Variants in GALNT14 observed in about 807,000 individuals in gnomAD.
GALNT14 encodes UDP-GalNAc:polypeptide N-acetylgalactosaminyltransferase 14.
A neutral mutation model predicts 77.5 loss-of-function variants in GALNT14; 60 were observed. The observed-to-expected ratio is 0.77, with a 90% CI of 0.63 to 0.96. The LOEUF (loss-of-function observed/expected upper bound fraction) is 0.96, where lower values mean the gene tolerates loss of function less well. Ranked by LOEUF, GALNT14 falls within the 40% of genes least tolerant of loss-of-function variation. The pLI, the probability that GALNT14 is intolerant of heterozygous loss-of-function variation, is 0.00. For synonymous variants in GALNT14, 280 were observed against 281.7 expected, an observed-to-expected ratio of 0.99 and a Z score of 0.06; for missense variants, 710 against 731.0, an observed-to-expected ratio of 0.97 and a Z score of 0.33.
chr2:31,033,938 G>A (rs1236666577), intron 1 of GALNT14, among the ~76,000 whole-genome samples: 1 of 152,218 alleles, frequency 6.6e-6, no homozygotes, highest in Non-Finnish European at 1.5e-5. Flanking sequence ...GCATTTGAGA[G>A]TTCACAACTG....
At chr2:31,027,886 CTGTGTGTG>C (rs10562223) in intron 1 of GALNT14, among the ~76,000 whole-genome samples, 20 of 141,776 alleles carry the variant, frequency 1.4e-4, no homozygotes, top group African/African-American at 3.9e-4. Flanking sequence ...CAGATGTATT[CTGTGTGTG>C]TGTGTGTGTG....
chr2:30,910,058 T>G (rs1341362210), downstream of GALNT14, among the ~76,000 whole-genome samples: 7 of 100,760 alleles, frequency 6.9e-5, no homozygotes, highest in East Asian at 3.0e-4. Context: ...TGGGGACTGT[T>G]GAGGGGTGGG....
chr2:31,103,540 G>T (rs1163846520), intron 1 of GALNT14, among the ~76,000 whole-genome samples: 1 of 150,980 alleles, frequency 6.6e-6, no homozygotes, highest in African/African-American at 2.4e-5. Flanking sequence ...ATTTACTCTG[G>T]CAATGCTACT....
At chr2:31,050,037 T>A (rs905679704) in intron 1 of GALNT14, among the ~76,000 whole-genome samples, 38 of 152,238 alleles carry the variant, frequency 2.5e-4, no homozygotes, top group Non-Finnish European at 4.4e-4. Context: ...CCAGATTCTC[T>A]GACCACAAAG....
the GALNT14 span, among the ~76,000 whole-genome samples, chr2:30,905,187 A>G: frequency 6.6e-6 from 1 of 152,206 alleles, no homozygotes; most frequent in Admixed American, 6.5e-5. Context: ...GTTCCTCACC[A>G]GCAACAGAAC....
In GALNT14 at chr2:30,955,713, C is replaced by T. The variant is rs73923311; in HGVS notation, c.559G>A (p.Ala187Thr). ...AGAGTGGTGCCCTGGGCGATGTCAG[C>T]GCCCCGAATCCGGGACCGGACCAGA... ...QGLVRSRIRG[A>T]DIAQGTTLTF... The change falls in exon 6 of 15, where the codon GCT becomes ACT. Residue 187 changes from alanine (A) to threonine (T), a missense_variant. By Grantham distance (58) the Ala-to-Thr change is moderately conservative. Coordinates refer to ENST00000349752, the MANE Select transcript of GALNT14 (RefSeq NM_024572.4). The T allele has an allele frequency of 3.9e-4, 633 of 1,614,154 alleles. 1 individual carries two copies. The highest frequency in any genetic ancestry group is 3.2e-3 in the African/African-American group (240 of 75,054).
chr2:30,895,747 C>T, the GALNT14 span, among the ~76,000 whole-genome samples: 5 of 152,084 alleles, frequency 3.3e-5, no homozygotes, highest in Non-Finnish European at 7.4e-5. Flanking sequence ...GGGATAGCAG[C>T]GATCCCACCA....
At chr2:30,933,895 C>A (rs1397304713) in intron 9 of GALNT14, among the ~76,000 whole-genome samples, 1 of 152,172 alleles carries the variant, frequency 6.6e-6, no homozygotes, top group Non-Finnish European at 1.5e-5. Context: ...ATTTTGAGAA[C>A]AACTGTGTAA....
intron 1 of GALNT14, among the ~76,000 whole-genome samples, chr2:31,048,939 C>A (rs1314851926): frequency 6.6e-6 from 1 of 152,194 alleles, no homozygotes; most frequent in Non-Finnish European, 1.5e-5. Flanking sequence ...CCGTCACTGG[C>A]CAAATGCCCC....
At chr2:31,085,661 G>A (rs974498614) in intron 1 of GALNT14, among the ~76,000 whole-genome samples, 4 of 152,224 alleles carry the variant, frequency 2.6e-5, no homozygotes, top group Admixed American at 6.5e-5. Flanking sequence ...CTCATGAGAA[G>A]TCTCTTCATT....
chr2:31,003,674 G>C (rs545864619), intron 1 of GALNT14, among the ~76,000 whole-genome samples: 1 of 152,252 alleles, frequency 6.6e-6, no homozygotes, highest in South Asian at 2.1e-4. Context: ...TACAACTTTG[G>C]GGGAAGCTTC....
At chr2:30,921,585 C>G (rs1458864739) in intron 13 of GALNT14, among the ~76,000 whole-genome samples, 1 of 152,190 alleles carries the variant, frequency 6.6e-6, no homozygotes, top group Non-Finnish European at 1.5e-5. Context: ...AGTACCAAGG[C>G]CAAGAGTCTG....
chr2:30,958,251 G>C (rs1573036459), intron 4 of GALNT14, 146 bp downstream of exon 4: 1 of 599,110 alleles, frequency 1.7e-6, no homozygotes, highest in Non-Finnish European at 3.0e-6. Context: ...TCTGAGCCTA[G>C]CCACGGACGC....
intron 1 of GALNT14, among the ~76,000 whole-genome samples, chr2:31,111,541 G>A (rs888766337): frequency 6.6e-6 from 1 of 152,122 alleles, no homozygotes; most frequent in African/African-American, 2.4e-5. Flanking sequence ...TTTACCCATG[G>A]CTTTAAACTA....
intron 1 of GALNT14, among the ~76,000 whole-genome samples, chr2:31,098,611 G>C (rs1366974998): frequency 6.6e-6 from 1 of 152,112 alleles, no homozygotes; most frequent in African/African-American, 2.4e-5. Flanking sequence ...ATAGATGTAA[G>C]TATAAATGCG....
At chr2:31,128,142 C>T (rs540092189) in intron 1 of GALNT14, among the ~76,000 whole-genome samples, 42 of 152,244 alleles carry the variant, frequency 2.8e-4, no homozygotes, top group Admixed American at 2.3e-3. Flanking sequence ...CTAAGTTTAA[C>T]CACATATGTG....
intron 1 of GALNT14, among the ~76,000 whole-genome samples, chr2:31,083,108 C>T (rs1676236883): frequency 6.6e-6 from 1 of 152,040 alleles, no homozygotes; most frequent in African/African-American, 2.4e-5. Flanking sequence ...TCCAGTTTGC[C>T]CAGGATTGGA....
At chr2:31,062,715 C>T (rs1674682166) in intron 1 of GALNT14, among the ~76,000 whole-genome samples, 1 of 150,672 alleles carries the variant, frequency 6.6e-6, no homozygotes, top group Non-Finnish European at 1.5e-5. Flanking sequence ...ACATCCTCTC[C>T]AGTATCTGTT....
Position 30,977,092 on chromosome 2 carries a change from C to CTTTTTTTTTTTT in GALNT14, c.300-10802_300-10791dup, listed in dbSNP as rs11314175. ...CTTTATTCCATATTGGCTTTTCTGT[C>CTTTTTTTTTTTT]TTTTTTTTTTTTTTTGAGACAGGGT... On this transcript the variant is annotated intron_variant, in intron 2 of 14. Transcript: ENST00000349752. 5.0e-4 allele frequency among the ~76,000 whole-genome samples: 67 copies of CTTTTTTTTTTTT among 135,112 alleles called. 3 individuals carry two copies. The highest frequency in any genetic ancestry group is 1.9e-3 in the African/African-American group (63 of 32,606). The allele number at this position is 135,112 out of a possible 152,430, so 88.6% of individuals were successfully genotyped here. A position where few individuals can be genotyped will look rare whatever the true frequency, so the allele number is the denominator to read the frequency against.
Sources: allele counts gnomAD v4.1 joint callset (sites outside exome capture counted in the v4.1 genomes callset), GRCh38; gene constraint gnomAD v4.1.1; transcripts MANE v1.5; gene names NCBI Gene and HGNC (gene_info 2026-07-23, HGNC 2026-07-21).